The following NFASC variants were observed in gnomAD, a reference collection of about 807,000 sequenced individuals.
The protein encoded by NFASC is neurofascin homolog.
In NFASC, 43 loss-of-function variants were observed where a neutral mutation model predicts 147.5. That is an observed-to-expected ratio of 0.29 (90% CI 0.23 to 0.38). NFASC has a LOEUF of 0.38. NFASC is among the 10% of genes least tolerant of loss of function. NFASC has a pLI of 1.00. For synonymous variants in NFASC, 622 were observed against 665.5 expected, an observed-to-expected ratio of 0.93 and a Z score of 1.01; for missense variants, 1,320 against 1,689.0, an observed-to-expected ratio of 0.78 and a Z score of 3.83.
chr1:204,927,408 T>C (rs182306515), intron 2 of NFASC, among the ~76,000 whole-genome samples: 1 of 152,368 alleles, frequency 6.6e-6, no homozygotes, highest in East Asian at 1.9e-4. Context: ...TTTCTTTTTA[T>C]GGCTGAATGA....
At chr1:204,921,110 C>T (rs1173049177) in intron 2 of NFASC, among the ~76,000 whole-genome samples, 1 of 152,180 alleles carries the variant, frequency 6.6e-6, no homozygotes, top group East Asian at 1.9e-4. Flanking sequence ...AGTGACAGCC[C>T]TGGCATATGG....
Position 205,002,632 on chromosome 1 carries a change from A to G in NFASC, c.3173A>G (p.Gln1058Arg), listed in dbSNP as rs371583418. ...AAAAAAACTGTCCCAGTTAAGGCCC[A>G]GGCTCAGCCTATACAGCTGACAGAC... is the stretch of plus-strand genomic sequence containing the variant. ...HTKKTVPVKA[Q>R]AQPIQLTDLY... Residue 1058 changes from glutamine (Q) to arginine (R), a missense_variant, in exon 27 of 30, where the codon CAG becomes CGG. Physicochemically the swap from Gln to Arg is conservative, Grantham distance 43. Around this residue, in one of 3 missense-constraint regions of NFASC, gnomAD observed 172 missense variants for 165.8 expected, o/e 1.04. Coordinates refer to ENST00000339876, the MANE Select transcript of NFASC (RefSeq NM_001005388.3). The G allele has an allele frequency of 7.1e-5, 110 of 1,552,380 alleles. No individual in the cohort carries two copies. Among genetic ancestry groups the G allele is most frequent in the African/African-American group, 9.5e-5 (7 of 73,570 alleles).
In NFASC at chr1:204,920,659, C is replaced by T. The variant is rs1324589885; in HGVS notation, c.-172C>T. 7 of 1,289,084 alleles carry T rather than the reference C, an allele frequency of 5.4e-6. No individual in the cohort carries two copies. In the East Asian group the frequency reaches 1.7e-4, roughly 31 times the overall value. 79.9% of individuals were successfully genotyped at this position (1,289,084 alleles called of 1,614,324 possible). A position where few individuals can be genotyped will look rare whatever the true frequency, so the allele number is the denominator to read the frequency against. ...TGATTGACTTATGTGCAATTTGGGA[C>T]GCTGGAGTTTACCTTCCCTCCGCAG... On this transcript the variant is annotated 5_prime_UTR_variant, in exon 2 of 30. In the 5' UTR this introduces an upstream ATG that the reference lacks. Transcript: ENST00000339876.
chr1:204,974,941 G>T, intron 14 of NFASC, 118 bp downstream of exon 14: 1 of 1,114,552 alleles, frequency 9.0e-7, no homozygotes, highest in Non-Finnish European at 1.3e-6. Context: ...ACCTGGAGTG[G>T]GCTGCCCAGT....
At chr1:204,930,111 G>A (rs2092218791) in intron 2 of NFASC, among the ~76,000 whole-genome samples, 1 of 152,178 alleles carries the variant, frequency 6.6e-6, no homozygotes, top group Non-Finnish European at 1.5e-5. Flanking sequence ...GAAAGAGAAA[G>A]GAAGAGACTG....
At position 205,016,732 on chromosome 1, in the gene NFASC, C is replaced by T; in HGVS notation, c.*193C>T. The T allele has an allele frequency of 1.5e-6, 1 of 654,190 alleles. No homozygotes were observed. 40.5% of individuals were successfully genotyped at this position (654,190 alleles called of 1,614,324 possible). A position where few individuals can be genotyped will look rare whatever the true frequency, so the allele number is the denominator to read the frequency against. ...CCCCCTCCCAATGACCCCCCTTCAGCCCCGGGTGCCACCAGTGTGGGAGAG... is the reference window on the plus strand; with the variant it reads ...CCCCCTCCCAATGACCCCCCTTCAGTCCCGGGTGCCACCAGTGTGGGAGAG... On this transcript the variant is annotated 3_prime_UTR_variant, in exon 30 of 30. Coordinates refer to ENST00000339876, the MANE Select transcript of NFASC (RefSeq NM_001005388.3). This position sits in a 1 kb window ranked among gnomAD's most constrained non-coding sequence, Gnocchi z 5.1.
At chr1:204,885,870 G>A (rs914247866) in intron 1 of NFASC, among the ~76,000 whole-genome samples, 2 of 152,210 alleles carry the variant, frequency 1.3e-5, no homozygotes, top group Non-Finnish European at 2.9e-5. Flanking sequence ...ATGACCTCTT[G>A]TTCCATTTCC....
intron 1 of NFASC, among the ~76,000 whole-genome samples, chr1:204,840,090 C>T (rs1674874518): frequency 1.3e-5 from 2 of 152,214 alleles, no homozygotes; most frequent in African/African-American, 4.8e-5. Flanking sequence ...CACATGCACA[C>T]AGATCACCTG....
intron 1 of NFASC, 48 bp from the exon 2 acceptor site, chr1:204,920,584 C>G (rs753191566): frequency 1.4e-5 from 14 of 968,248 alleles, no homozygotes; most frequent in South Asian, 1.4e-4. Context: ...TTTTTTCTTC[C>G]TTTCTTAGAG....
rs1303035688 is a variant in NFASC, at chr1:205,009,660, C to T, written c.3393C>T (p.Ile1131=). 6 of 1,614,124 alleles carry T rather than the reference C, an allele frequency of 3.7e-6. No individual in the cohort carries two copies. Among genetic ancestry groups the T allele is most frequent in the Non-Finnish European group, 5.1e-6 (6 of 1,180,028 alleles). Residue 1131 remains isoleucine, a synonymous_variant, in exon 28 of 30, where the codon ATC becomes ATT. Transcript: ENST00000339876. ...LVLILLIVCF[I]KRSRGGKYPV... ...TGATCCTGCTCATCGTCTGTTTCAT[C>T]AAGAGGAGTCGCGGCGGCAAGTACC... is the stretch of plus-strand genomic sequence containing the variant.
intron 2 of NFASC, among the ~76,000 whole-genome samples, chr1:204,922,883 G>A (rs182281012): frequency 3.0e-4 from 45 of 152,258 alleles, no homozygotes; most frequent in African/African-American, 8.9e-4. Flanking sequence ...GATGATAATC[G>A]TCATCATTAT....
chr1:204,860,044 C>T (rs1206038603), intron 1 of NFASC, among the ~76,000 whole-genome samples: 1 of 152,060 alleles, frequency 6.6e-6, no homozygotes, highest in Non-Finnish European at 1.5e-5. Flanking sequence ...AAGAGTGTGG[C>T]GTGGGCTGCC....
At chr1:204,857,019 C>T (rs903382322) in intron 1 of NFASC, among the ~76,000 whole-genome samples, 1 of 152,150 alleles carries the variant, frequency 6.6e-6, no homozygotes, top group African/African-American at 2.4e-5. Context: ...TACCTGCTTT[C>T]GATTCTTTGG....
At chr1:204,959,476 C>G (rs1237041638) in intron 8 of NFASC, among the ~76,000 whole-genome samples, 1 of 152,226 alleles carries the variant, frequency 6.6e-6, no homozygotes, top group Non-Finnish European at 1.5e-5. Flanking sequence ...CTGGGAAGGA[C>G]AGTGTAGTCT....
chr1:205,012,923 C>A, intron 29 of NFASC, 57 bp downstream of exon 29: 1 of 1,234,076 alleles, frequency 8.1e-7, no homozygotes, highest in Non-Finnish European at 1.2e-6. Flanking sequence ...CCCTGAGGCA[C>A]CACCCTCCCC....
At position 205,007,573 on chromosome 1, in the gene NFASC, T is replaced by C. The variant is rs189747668; in HGVS notation, c.3290-1984T>C. Among the ~76,000 whole-genome samples the C allele has an allele frequency of 4.1e-4, 63 of 152,100 alleles. No homozygotes were observed. The South Asian group carries it at 8.7e-3, about 21-fold the overall frequency. On this transcript the variant is annotated intron_variant, in intron 27 of 29. Transcript: ENST00000339876. ...ATATATTAAATGGTTATAAATGCTA[T>C]GAAATAAGAGATAGCAGCTGGGTGG...
intron 28 of NFASC, 36 bp from the exon 29 acceptor site, chr1:205,012,761 G>T: frequency 1.3e-6 from 2 of 1,511,026 alleles, no homozygotes; most frequent in Non-Finnish European, 1.8e-6. Flanking sequence ...GTACTTAATC[G>T]TCGTGTCTGT....
intron 1 of NFASC, among the ~76,000 whole-genome samples, chr1:204,874,177 TC>T (rs373954564): frequency 2.3e-3 from 346 of 152,310 alleles, no homozygotes; most frequent in African/African-American, 7.8e-3. Context: ...GCCGAAATCT[TC>T]CTGCGCTGGG....
At position 204,978,981 on chromosome 1, in the gene NFASC, GC is replaced by G. The variant is rs1485867327; in HGVS notation, c.1894del (p.Arg632GlyfsTer5). On this transcript the variant is annotated frameshift_variant, in exon 18 of 30. Transcript: ENST00000339876. LOFTEE classifies it high-confidence loss of function. Reference sequence around the variant, plus strand: ...TTCTGCCACCAGGACGGCCAGACCGGCCCCGGGACCTGGAGCTGACCGACCT... The same window carrying G: ...TTCTGCCACCAGGACGGCCAGACCGGCCCGGGACCTGGAGCTGACCGACCT... ...AALPKGRPDRPRDLELTDLAE... is the reference protein window; with the variant it reads ...AALPKGRPDRXRDLELTDLAE... The G allele has an allele frequency of 1.3e-6, 2 of 1,556,164 alleles. No individual in the cohort carries two copies. The highest frequency in any genetic ancestry group is 1.7e-6 in the Non-Finnish European group (2 of 1,149,224).
Sources: allele counts gnomAD v4.1 joint callset (sites outside exome capture counted in the v4.1 genomes callset), GRCh38; gene constraint gnomAD v4.1.1; regional missense constraint gnomAD v4.1.1; non-coding constraint Gnocchi (gnomAD v3.1); transcripts MANE v1.5; gene names NCBI Gene and HGNC (gene_info 2026-07-23, HGNC 2026-07-21).